EDEM1: variants seen among roughly 807,000 people sequenced by gnomAD.
EDEM1 encodes ER degradation enhancing alpha-mannosidase like protein 1, also known as ER degradation-enhancing alpha-mannosidase-like protein 1.
In EDEM1, 67 loss-of-function variants were observed where a neutral mutation model predicts 74.4. That is an observed-to-expected ratio of 0.90 (90% CI 0.74 to 1.10). The LOEUF (loss-of-function observed/expected upper bound fraction) is 1.10. EDEM1 is among the 50% of genes least tolerant of loss of function. The probability of loss-of-function intolerance (pLI) is 0.00; values close to 1 mark genes in which losing one functional copy is unlikely to be tolerated. For missense variants in EDEM1, 926 were observed against 851.6 expected, an observed-to-expected ratio of 1.09 and a Z score of -1.09; for synonymous variants, 382 against 335.9, an observed-to-expected ratio of 1.14 and a Z score of -1.50.
Position 5,215,757 on chromosome 3 carries a change from A to G in EDEM1, c.1885-72A>G, listed in dbSNP as rs114360507. The G allele has an allele frequency of 9.4e-4, 1,296 of 1,379,096 alleles. 9 individuals carry two copies. In the African/African-American group the frequency reaches 0.016, roughly 18 times the overall value. 85.4% of individuals were successfully genotyped at this position (1,379,096 alleles called of 1,614,324 possible). On this transcript the variant is annotated intron_variant, in intron 11 of 11. Coordinates refer to ENST00000256497, the MANE Select transcript of EDEM1 (RefSeq NM_014674.3). ...TTCACAGGCTGAGAAACCCTGGATT[A>G]AGTCATCCAGTCACATTTCCTGAGA...
chr3:5,213,221 A>C, intron 10 of EDEM1, 98 bp from the exon 11 acceptor site: 2 of 1,249,452 alleles, frequency 1.6e-6, no homozygotes, highest in South Asian at 3.0e-5. Context: ...ATGAGGCCCA[A>C]GCAAATTCTA....
Position 5,218,659 on chromosome 3 carries a change from T to C in EDEM1, c.*2741T>C, listed in dbSNP as rs1434249956. On this transcript the variant is annotated 3_prime_UTR_variant, in exon 12 of 12. Coordinates refer to ENST00000256497, the MANE Select transcript of EDEM1 (RefSeq NM_014674.3). The stretch of plus-strand genomic sequence containing the variant: ...AGAACTGTTGTAGAAAGCTGCCTTA[T>C]AGTTGGCTTGACAAAGCATAATTCT... 1 of 152,212 alleles carries C rather than the reference T, an allele frequency of 6.6e-6. No individual in the cohort carries two copies. Among genetic ancestry groups the C allele is most frequent in the Non-Finnish European group, 1.5e-5 (1 of 68,044 alleles). The allele number at this position is 152,212 out of a possible 1,614,324, so 9.4% of individuals were successfully genotyped here.
At chr3:5,190,747 G>A (rs905863837) in intron 1 of EDEM1, among the ~76,000 whole-genome samples, 3 of 152,166 alleles carry the variant, frequency 2.0e-5, no homozygotes, top group African/African-American at 7.2e-5. Flanking sequence ...AACCTTTGTT[G>A]TCTTTGAGGA....
At chr3:5,204,501 C>G (rs953949809) in intron 5 of EDEM1, among the ~76,000 whole-genome samples, 6 of 152,090 alleles carry the variant, frequency 3.9e-5, no homozygotes, top group Admixed American at 2.0e-4. Context: ...AGTGAACCCC[C>G]CATCTCAGCC....
intron 1 of EDEM1, among the ~76,000 whole-genome samples, chr3:5,189,877 G>C (rs941915587): frequency 1.3e-5 from 2 of 152,248 alleles, no homozygotes; most frequent in Non-Finnish European, 2.9e-5. Context: ...GGGATTACAG[G>C]CGTGAGCCAC....
chr3:5,193,446 A>G (rs895588388), intron 1 of EDEM1, among the ~76,000 whole-genome samples: 1 of 151,730 alleles, frequency 6.6e-6, no homozygotes, highest in Admixed American at 6.5e-5. Context: ...GCTATTGTAT[A>G]AGTTTATTTC....
intron 2 of EDEM1, among the ~76,000 whole-genome samples, chr3:5,196,744 C>T (rs752644556): frequency 6.6e-6 from 1 of 152,166 alleles, no homozygotes; most frequent in Non-Finnish European, 1.5e-5. Flanking sequence ...CATTTACCAT[C>T]ACTGATCAAA....
At chr3:5,211,920 G>A (rs892669098) in intron 10 of EDEM1, among the ~76,000 whole-genome samples, 1 of 152,144 alleles carries the variant, frequency 6.6e-6, no homozygotes, top group African/African-American at 2.4e-5. Flanking sequence ...CGTGCCCCCT[G>A]CCACTTTCCT....
chr3:5,203,812 G>A (rs1315660193), intron 5 of EDEM1, among the ~76,000 whole-genome samples: 2 of 151,978 alleles, frequency 1.3e-5, no homozygotes, highest in African/African-American at 2.4e-5. Context: ...GGCTCACTGC[G>A]GCCTCCACTT....
rs764785679 is a variant in EDEM1, at chr3:5,187,844, C to G, written c.39C>G (p.Leu13=). Residue 13 remains leucine, a synonymous_variant, in exon 1 of 12, where the codon CTC becomes CTG. Transcript: ENST00000256497. The part of the protein sequence containing the change: ...WRALVLGLVL[L]RLGLHGVLWL... ...CGCTCGTCCTGGGGCTGGTGCTCCTCCGGCTTGGCCTCCATGGAGTATTGT... is the reference window on the plus strand; with the variant it reads ...CGCTCGTCCTGGGGCTGGTGCTCCTGCGGCTTGGCCTCCATGGAGTATTGT... 1.9e-6 allele frequency: 3 copies of G among 1,591,402 alleles called. No homozygotes were observed. The highest frequency in any genetic ancestry group is 2.6e-6 in the Non-Finnish European group (3 of 1,170,376).
intron 10 of EDEM1, 122 bp from the exon 11 acceptor site, chr3:5,213,197 T>A: frequency 2.1e-6 from 2 of 938,386 alleles, no homozygotes; most frequent in South Asian, 1.7e-5. Context: ...TTCACCCAGT[T>A]GTCACTGAGA....
Position 5,217,805 on chromosome 3 carries a change from A to T in EDEM1, c.*1887A>T, listed in dbSNP as rs1225891020. 1.3e-5 allele frequency: 2 copies of T among 152,198 alleles called. No homozygotes were observed. Among genetic ancestry groups the T allele is most frequent in the Admixed American group, 6.5e-5 (1 of 15,272 alleles). 9.4% of individuals were successfully genotyped at this position (152,198 alleles called of 1,614,324 possible). On this transcript the variant is annotated 3_prime_UTR_variant, in exon 12 of 12. Transcript: ENST00000256497. ...CATTGAAAATGTTAATTACACACAC[A>T]TGCATGCATGCACACACGAGCATAC... is the stretch of plus-strand genomic sequence containing the variant.
Position 5,207,244 on chromosome 3 carries a change from T to C in EDEM1, c.1309T>C (p.Ser437Pro). 2 of 1,614,168 alleles carry C rather than the reference T, an allele frequency of 1.2e-6. No individual in the cohort carries two copies. Among genetic ancestry groups the C allele is most frequent in the Non-Finnish European group, 1.7e-6 (2 of 1,180,026 alleles). Residue 437 changes from serine to proline, a missense_variant, in exon 7 of 12, where the codon TCT becomes CCT. Physicochemically the swap from Ser to Pro is moderately conservative, Grantham distance 74. Coordinates refer to ENST00000256497, the MANE Select transcript of EDEM1 (RefSeq NM_014674.3). ...GCAGCTGATGAACACCTGGATTGAC[T>C]CTCTGCAGGCCTTTTTCCCTGGACT... ...SGQLMNTWIDSLQAFFPGLQV... is the reference protein window; with the variant it reads ...SGQLMNTWIDPLQAFFPGLQV...
At chr3:5,188,707 C>T (rs993534508) in intron 1 of EDEM1, among the ~76,000 whole-genome samples, 5 of 152,336 alleles carry the variant, frequency 3.3e-5, no homozygotes, top group Admixed American at 2.6e-4. Context: ...CCATCATGCC[C>T]CCCGTGTAAA....
intron 3 of EDEM1, among the ~76,000 whole-genome samples, chr3:5,200,146 G>C (rs1470624464): frequency 6.6e-6 from 1 of 152,106 alleles, no homozygotes; most frequent in African/African-American, 2.4e-5. Context: ...TGGCCAGGCT[G>C]GTCTCGAACT....
In EDEM1 at chr3:5,207,292, T is replaced by C. The variant is rs779476820; in HGVS notation, c.1338+19T>C. On this transcript the variant is annotated intron_variant, in intron 7 of 11. Transcript: ENST00000256497. ...ACTGCAGGTATTTTGCCATCAGATT[T>C]CCTAAGAATAACCAATCACCAGAAA... 3.1e-6 allele frequency: 5 copies of C among 1,613,334 alleles called. No individual in the cohort carries two copies. Among genetic ancestry groups the C allele is most frequent in the Non-Finnish European group, 3.4e-6 (4 of 1,179,768 alleles).
At chr3:5,215,741 T>C in intron 11 of EDEM1, 88 bp from the exon 12 acceptor site, 1 of 1,251,136 alleles carries the variant, frequency 8.0e-7, no homozygotes. Flanking sequence ...GTTCACAGGC[T>C]GAGAAACCCT....
chr3:5,212,585 A>G (rs1223463042), intron 10 of EDEM1, among the ~76,000 whole-genome samples: 1 of 152,232 alleles, frequency 6.6e-6, no homozygotes, highest in Non-Finnish European at 1.5e-5. Flanking sequence ...AACATTGACA[A>G]GCTGCACTGA....
At chr3:5,206,210 C>G (rs887868744) in intron 6 of EDEM1, among the ~76,000 whole-genome samples, 1 of 140,078 alleles carries the variant, frequency 7.1e-6, no homozygotes, top group Non-Finnish European at 1.6e-5. Flanking sequence ...CCAGATCTTT[C>G]TTTTTTTTTT....
Sources: allele counts gnomAD v4.1 joint callset (sites outside exome capture counted in the v4.1 genomes callset), GRCh38; gene constraint gnomAD v4.1.1; transcripts MANE v1.5; gene names NCBI Gene and HGNC (gene_info 2026-07-23, HGNC 2026-07-21).